Variants in MTUS1 observed in about 807,000 individuals in gnomAD.
The protein encoded by MTUS1 is microtubule associated scaffold protein 1.
A neutral mutation model predicts 120.8 loss-of-function variants in MTUS1; 109 were observed. That is an observed-to-expected ratio of 0.90 (90% CI 0.77 to 1.06). MTUS1 has a LOEUF of 1.06. MTUS1 is among the 50% of genes least tolerant of loss of function. The pLI, the probability that MTUS1 is intolerant of heterozygous loss-of-function variation, is 0.00. For synonymous variants in MTUS1, 737 were observed against 550.5 expected (o/e 1.34, Z -4.74); for missense variants, 2,210 against 1,486.3 (o/e 1.49, Z -8.01).
At chr8:17,656,524 T>G (rs1210788746) in intron 8 of MTUS1, among the ~76,000 whole-genome samples, 1 of 145,444 alleles carries the variant, frequency 6.9e-6, no homozygotes, top group East Asian at 2.1e-4. Context: ...TGAGACTCCA[T>G]CTCAAAAACA....
rs78845390 is a variant in MTUS1, at chr8:17,654,470, A to G, written c.3214+91T>C. The G allele has an allele frequency of 1.4e-4, 130 of 950,064 alleles. No individual in the cohort carries two copies. In the East Asian group the frequency reaches 3.1e-3, roughly 23 times the overall value. The allele number at this position is 950,064 out of a possible 1,614,324, so 58.9% of individuals were successfully genotyped here. On this transcript the variant is annotated intron_variant, in intron 10 of 14. Coordinates refer to ENST00000693296, the MANE Select transcript of MTUS1 (RefSeq NM_001363059.2). ...CCTGAAGGCCACAGGGCATTCGCTG[A>G]AGCAGGAAGTTATGAATCATTTCCA...
At chr8:17,653,089 A>G in intron 12 of MTUS1, 97 bp downstream of exon 12, 1 of 694,704 alleles carries the variant, frequency 1.4e-6, no homozygotes, top group South Asian at 1.8e-5. Flanking sequence ...AGGATTCCCA[A>G]CCTGTGTTAT....
At chr8:17,676,212 C>A in intron 7 of MTUS1, 1 of 701,922 alleles carries the variant, frequency 1.4e-6, no homozygotes, top group South Asian at 1.5e-5. Context: ...CCCTGAATTC[C>A]AGACAGCCTC....
chr8:17,719,518 T>C lies in MTUS1; in HGVS notation c.2450-3617A>G, dbSNP rs183196681. Among the ~76,000 whole-genome samples the C allele has an allele frequency of 7.0e-4, 106 of 152,332 alleles. 2 individuals carry two copies. In the East Asian group the frequency reaches 0.017, roughly 25 times the overall value. On this transcript the variant is annotated intron_variant, in intron 4 of 14. Transcript: ENST00000693296. Reference sequence around the variant, plus strand: ...AAAGTTAACAGTGGTCTGGATAATATTTCCTTTTTAAATAGTCCATTCAGA... The same window carrying C: ...AAAGTTAACAGTGGTCTGGATAATACTTCCTTTTTAAATAGTCCATTCAGA...
rs1023277284 is a variant in MTUS1, at chr8:17,773,791, C to A, written c.-154-17830G>T. Among the ~76,000 whole-genome samples, 8 of 152,236 alleles carry A rather than the reference C, an allele frequency of 5.3e-5. No homozygotes were observed. The East Asian group carries it at 1.5e-3, about 29-fold the overall frequency. On this transcript the variant is annotated intron_variant, in intron 1 of 14. Coordinates refer to ENST00000693296, the MANE Select transcript of MTUS1 (RefSeq NM_001363059.2). ...ATAGCAATGGAGCACCAAAATCCCACAGGGTCTTTCCAGGAAGAACTCTTG... is the reference window on the plus strand; with the variant it reads ...ATAGCAATGGAGCACCAAAATCCCAAAGGGTCTTTCCAGGAAGAACTCTTG...
intron 1 of MTUS1, among the ~76,000 whole-genome samples, chr8:17,764,209 G>A (rs2049279848): frequency 6.6e-6 from 1 of 152,024 alleles, no homozygotes; most frequent in Non-Finnish European, 1.5e-5. Context: ...GATGTTACAG[G>A]CCTGTGCTTG....
intron 8 of MTUS1, chr8:17,664,113 A>G (rs1563160445): frequency 6.6e-6 from 1 of 152,238 alleles, no homozygotes; most frequent in Non-Finnish European, 1.5e-5. Flanking sequence ...TATAACAGTT[A>G]AAAAGCAGCA....
Position 17,643,862 on chromosome 8 carries a change from T to G in MTUS1, c.*2064A>C, listed in dbSNP as rs1338070486. On this transcript the variant is annotated 3_prime_UTR_variant, in exon 15 of 15. Transcript: ENST00000693296. ...AAATACACTTCCCATCACTACAAAC[T>G]GAGCACAACTACAGTTGTCTACACA... is the stretch of plus-strand genomic sequence containing the variant. The G allele has an allele frequency of 6.6e-6, 1 of 152,228 alleles. No individual in the cohort carries two copies. Among genetic ancestry groups the G allele is most frequent in the Non-Finnish European group, 1.5e-5 (1 of 68,030 alleles). 9.4% of individuals were successfully genotyped at this position (152,228 alleles called of 1,614,324 possible).
chr8:17,681,513 A>G (rs900594778), intron 7 of MTUS1: 2 of 154,770 alleles, frequency 1.3e-5, no homozygotes, highest in Non-Finnish European at 2.9e-5. Flanking sequence ...TCATATTTGT[A>G]AATTCCAACT....
At chr8:17,647,105 T>TTTATACAATATTAAACATTATACAATA (rs1239352384) in intron 13 of MTUS1, 26 bp from the exon 14 acceptor site, 4 of 1,571,396 alleles carry the variant, frequency 2.5e-6, no homozygotes, top group Non-Finnish European at 3.5e-6. Context: ...AATTCCAACA[T>TTTATACAATATTAAACATTATACAATA]TTATACAATA....
At chr8:17,721,349 T>C (rs2045828328) in intron 4 of MTUS1, among the ~76,000 whole-genome samples, 1 of 152,226 alleles carries the variant, frequency 6.6e-6, no homozygotes, top group Non-Finnish European at 1.5e-5. Flanking sequence ...ATGTTTCCAT[T>C]TTAATTTTAG....
intron 3 of MTUS1, among the ~76,000 whole-genome samples, chr8:17,726,734 G>C (rs529793021): frequency 1.3e-5 from 2 of 152,058 alleles, no homozygotes; most frequent in Non-Finnish European, 2.9e-5. Context: ...ACTTGCTTTA[G>C]GAAGAACAGG....
At chr8:17,765,603 A>T in intron 1 of MTUS1, among the ~76,000 whole-genome samples, 1 of 137,456 alleles carries the variant, frequency 7.3e-6, no homozygotes, top group Non-Finnish European at 1.6e-5. Flanking sequence ...TAGGAAACAG[A>T]GCAAGACTCT....
At chr8:17,702,370 C>A (rs1563230131) in intron 6 of MTUS1, among the ~76,000 whole-genome samples, 1 of 152,050 alleles carries the variant, frequency 6.6e-6, no homozygotes, top group East Asian at 1.9e-4. Flanking sequence ...TTATTTTTCC[C>A]TTTCTTTTTG....
At chr8:17,702,834 G>C (rs78220421) in intron 6 of MTUS1, among the ~76,000 whole-genome samples, 4,601 of 152,278 alleles carry the variant, frequency 0.03, 118 homozygotes, top group African/African-American at 0.068. Context: ...GTTGCAGGGA[G>C]TCAGGGACCC....
intron 3 of MTUS1, among the ~76,000 whole-genome samples, chr8:17,728,911 C>T (rs1289685780): frequency 1.3e-5 from 2 of 151,940 alleles, no homozygotes; most frequent in African/African-American, 4.8e-5. Flanking sequence ...CCAGCACCTG[C>T]CAGGGTTAGA....
intron 7 of MTUS1, among the ~76,000 whole-genome samples, chr8:17,682,919 AAAAAAC>A (rs139682285): frequency 0.44 from 65,765 of 150,960 alleles, 14,908 homozygotes; most frequent in Middle Eastern, 0.51. Context: ...TTCCCCTCAA[AAAAAAC>A]AAAAACAAAA....
chr8:17,735,056 C>T (rs144183248), intron 3 of MTUS1, among the ~76,000 whole-genome samples: 1 of 152,236 alleles, frequency 6.6e-6, no homozygotes, highest in East Asian at 1.9e-4. Context: ...GTAGCTGAGA[C>T]CACAGGCGGG....
chr8:17,735,197 C>A (rs1339127023), intron 3 of MTUS1, among the ~76,000 whole-genome samples: 1 of 152,172 alleles, frequency 6.6e-6, no homozygotes, highest in Non-Finnish European at 1.5e-5. Context: ...TCTGTAGCCT[C>A]CTCCAATTTC....
Sources: gnomAD v4.1 joint callset for allele counts (sites outside exome capture counted in the v4.1 genomes callset) on GRCh38, gnomAD v4.1.1 for gene constraint, MANE v1.5 for transcripts, NCBI Gene and HGNC (gene_info 2026-07-23, HGNC 2026-07-21) for gene names.